The following GRM1 variants were observed in gnomAD, a reference collection of about 807,000 sequenced individuals.
The protein encoded by GRM1 is metabotropic glutamate receptor 1.
A neutral mutation model predicts 90.9 loss-of-function variants in GRM1; 33 were observed. The ratio of observed to expected loss-of-function variants is 0.36; its 90% CI spans 0.28 to 0.49. The LOEUF (loss-of-function observed/expected upper bound fraction) is 0.49. Ranked by LOEUF, GRM1 falls within the 20% of genes least tolerant of loss-of-function variation. The pLI, the probability that GRM1 is intolerant of heterozygous loss-of-function variation, is 0.99. For missense variants in GRM1, 1,190 were observed against 1,534.3 expected, an observed-to-expected ratio of 0.78 and a Z score of 3.75; for synonymous variants, 700 against 613.2, an observed-to-expected ratio of 1.14 and a Z score of -2.09.
chr6:146,029,473 G>T lies in GRM1; in HGVS notation c.-45G>T. 6.8e-7 allele frequency: 1 copy of T among 1,479,542 alleles called. No homozygotes were observed. The highest frequency in any genetic ancestry group is 9.5e-7 in the Non-Finnish European group (1 of 1,057,552). 91.7% of individuals were successfully genotyped at this position (1,479,542 alleles called of 1,614,324 possible). On this transcript the variant is annotated 5_prime_UTR_variant, in exon 1 of 8. Transcript: ENST00000282753. ...GCGCCGGGAGCCTGCAGCGGGACCA[G>T]CGTGGGAACGCGGCTGGCAGGCTGT...
At chr6:146,161,496 CT>C (rs1777725472) in intron 2 of GRM1, among the ~76,000 whole-genome samples, 1 of 152,062 alleles carries the variant, frequency 6.6e-6, no homozygotes, top group Non-Finnish European at 1.5e-5. Flanking sequence ...TGTTTATGTG[CT>C]TGTCTATGAA....
chr6:146,239,911 G>A (rs57501950), intron 2 of GRM1, among the ~76,000 whole-genome samples: 1 of 151,892 alleles, frequency 6.6e-6, no homozygotes, highest in African/African-American at 2.4e-5. Context: ...GAAAATGGCC[G>A]CAGAGGAGTG....
Position 146,242,100 on chromosome 6 carries a change from A to T in GRM1, c.951-62511A>T, listed in dbSNP as rs141031410. ...TAAAGGCTCAGAGTCAGGAATGGGCAAGCTGTGTTCAGGAGCACAGTGACA... is the reference window on the plus strand; with the variant it reads ...TAAAGGCTCAGAGTCAGGAATGGGCTAGCTGTGTTCAGGAGCACAGTGACA... On this transcript the variant is annotated intron_variant, in intron 2 of 7. Transcript: ENST00000282753. Among the ~76,000 whole-genome samples, 14 of 152,254 alleles carry T rather than the reference A, an allele frequency of 9.2e-5. No individual in the cohort carries two copies. The East Asian group carries it at 2.5e-3, about 27-fold the overall frequency.
chr6:146,065,460 A>T (rs1010791807), intron 1 of GRM1, among the ~76,000 whole-genome samples: 7 of 152,210 alleles, frequency 4.6e-5, no homozygotes, highest in South Asian at 2.1e-4. Context: ...TCTGTAAAAT[A>T]CAGATAATAA....
intron 1 of GRM1, among the ~76,000 whole-genome samples, chr6:146,033,736 C>A (rs1335517483): frequency 6.6e-6 from 1 of 151,644 alleles, no homozygotes; most frequent in African/African-American, 2.4e-5. Flanking sequence ...ATAAAATTGG[C>A]CTTTTTGAGC....
intron 3 of GRM1, among the ~76,000 whole-genome samples, chr6:146,321,014 C>G (rs1356270419): frequency 6.6e-6 from 1 of 151,962 alleles, no homozygotes; most frequent in Non-Finnish European, 1.5e-5. Flanking sequence ...CTTCAGCTAG[C>G]CTTTGAATTT....
chr6:146,220,666 T>C (rs965459357), intron 2 of GRM1, among the ~76,000 whole-genome samples: 1 of 152,124 alleles, frequency 6.6e-6, no homozygotes, highest in African/African-American at 2.4e-5. Context: ...CTTTCCTTCT[T>C]TTCATATATA....
intron 5 of GRM1, among the ~76,000 whole-genome samples, chr6:146,370,718 T>C (rs1775866214): frequency 6.6e-6 from 1 of 152,046 alleles, no homozygotes; most frequent in Non-Finnish European, 1.5e-5. Flanking sequence ...GCAGCCATTG[T>C]GATACTGGGA....
At chr6:146,364,652 T>C (rs981042872) in intron 5 of GRM1, among the ~76,000 whole-genome samples, 1 of 151,988 alleles carries the variant, frequency 6.6e-6, no homozygotes, top group Non-Finnish European at 1.5e-5. Flanking sequence ...TTTTGAAACA[T>C]AAAAGAAAAT....
At chr6:146,050,417 G>C (rs572608362) in intron 1 of GRM1, among the ~76,000 whole-genome samples, 1 of 152,054 alleles carries the variant, frequency 6.6e-6, no homozygotes. Flanking sequence ...ACACTGATTT[G>C]TTTTAAAGCA....
intron 1 of GRM1, among the ~76,000 whole-genome samples, chr6:146,056,100 T>A (rs550260060): frequency 1.3e-5 from 2 of 152,290 alleles, no homozygotes; most frequent in South Asian, 4.1e-4. Flanking sequence ...TTTCTCATCT[T>A]GGTGGCATAA....
intron 1 of GRM1, among the ~76,000 whole-genome samples, chr6:146,083,154 T>TAAAA (rs1776421485): frequency 6.6e-6 from 1 of 152,172 alleles, no homozygotes; most frequent in Non-Finnish European, 1.5e-5. Flanking sequence ...GATGGTGTTT[T>TAAAA]CTAAATATAG....
chr6:146,304,689 G>A lies in GRM1; in HGVS notation c.1029G>A (p.Gln343=), dbSNP rs746023027. Residue 343 remains glutamine, a synonymous_variant, in exon 3 of 8, where the codon CAG becomes CAA. Coordinates refer to ENST00000282753, the MANE Select transcript of GRM1 (RefSeq NM_001278064.2). ...ACGGGGGAATCACGATAAAGCTGCA[G>A]TCTCCAGAGGTCAGGTCATTTGATG... is the stretch of plus-strand genomic sequence containing the variant. ...EANGGITIKL[Q]SPEVRSFDDY... is the part of the protein sequence containing the mutation. The A allele has an allele frequency of 6.2e-7, 1 of 1,614,008 alleles. No homozygotes were observed.
At chr6:146,126,643 A>T (rs949784761) in intron 1 of GRM1, among the ~76,000 whole-genome samples, 3 of 152,050 alleles carry the variant, frequency 2.0e-5, no homozygotes, top group Admixed American at 6.5e-5. Flanking sequence ...TATCATTGTA[A>T]TTTTAATCAT....
chr6:146,057,033 C>T (rs553969146), intron 1 of GRM1, among the ~76,000 whole-genome samples: 3 of 152,066 alleles, frequency 2.0e-5, no homozygotes, highest in Non-Finnish European at 2.9e-5. Context: ...CTTGTGGTAT[C>T]CTAGTAAATA....
At chr6:146,385,840 T>C (rs944837916) in intron 5 of GRM1, among the ~76,000 whole-genome samples, 1 of 152,010 alleles carries the variant, frequency 6.6e-6, no homozygotes, top group Admixed American at 6.6e-5. Context: ...GTTCTTACAT[T>C]ATACATAAAG....
intron 3 of GRM1, among the ~76,000 whole-genome samples, chr6:146,330,878 G>A (rs1449933031): frequency 1.3e-5 from 2 of 152,118 alleles, no homozygotes; most frequent in African/African-American, 4.8e-5. Flanking sequence ...ATTTATATCT[G>A]TGCCCACAGA....
chr6:146,042,690 A>G (rs960386965), intron 1 of GRM1, among the ~76,000 whole-genome samples: 2 of 152,050 alleles, frequency 1.3e-5, no homozygotes, highest in East Asian at 1.9e-4. Flanking sequence ...AGAGGAGCCA[A>G]TTGAGATGAG....
chr6:146,381,176 C>G (rs1776304983), intron 5 of GRM1, among the ~76,000 whole-genome samples: 1 of 152,186 alleles, frequency 6.6e-6, no homozygotes, highest in African/African-American at 2.4e-5. Context: ...GTCTCTGGGC[C>G]TAGTTCAGCC....
Sources: allele counts gnomAD v4.1 joint callset (sites outside exome capture counted in the v4.1 genomes callset), GRCh38; gene constraint gnomAD v4.1.1; transcripts MANE v1.5; gene names NCBI Gene and HGNC (gene_info 2026-07-23, HGNC 2026-07-21).